DCAF8L2: variants seen among roughly 807,000 people sequenced by gnomAD.
DCAF8L2 encodes the protein DDB1 and CUL4 associated factor 8 like 2.
For synonymous variants in DCAF8L2, 200 were observed against 190.9 expected (o/e 1.05, Z -0.39); for missense variants, 430 against 490.7 (o/e 0.88, Z 1.17).
chrX:27,537,321 GA>G, the DCAF8L2 span, among the ~76,000 whole-genome samples: 1 of 111,782 alleles, frequency 8.9e-6, no homozygotes, highest in African/African-American at 3.3e-5. Context: ...CACAGAAATA[GA>G]AAAAAATCAA....
the DCAF8L2 span, among the ~76,000 whole-genome samples, chrX:27,472,638 C>T: frequency 1.0e-2 from 1,108 of 111,175 alleles, 19 homozygotes; most frequent in African/African-American, 0.034. Flanking sequence ...TGAGAACATG[C>T]GGTGTTTCGT....
upstream of DCAF8L2, among the ~76,000 whole-genome samples, chrX:27,586,475 A>G (rs778910255): frequency 9.0e-6 from 1 of 111,645 alleles, no homozygotes; most frequent in Non-Finnish European, 1.9e-5. Flanking sequence ...TTGCACCAAC[A>G]TAATGGTATG....
At chrX:27,589,867 C>A (rs752764625), upstream of DCAF8L2, among the ~76,000 whole-genome samples, 25 of 111,865 alleles carry the variant, frequency 2.2e-4, no homozygotes, top group Middle Eastern at 0.023. Context: ...ACAAACTAAG[C>A]AAAGTTGCTC....
intron 1 of DCAF8L2, among the ~76,000 whole-genome samples, chrX:27,618,662 A>G (rs1192542585): frequency 9.0e-6 from 1 of 110,896 alleles, no homozygotes; most frequent in Admixed American, 9.7e-5. Context: ...AGCAAAAAAC[A>G]TTTAGAAGAG....
chrX:27,531,264 C>T, the DCAF8L2 span, among the ~76,000 whole-genome samples: 3 of 111,260 alleles, frequency 2.7e-5, no homozygotes, highest in Non-Finnish European at 3.8e-5. Flanking sequence ...AGCAGGCAAG[C>T]GGGCATGTGC....
At chrX:27,523,652 T>C in the DCAF8L2 span, among the ~76,000 whole-genome samples, 1 of 109,597 alleles carries the variant, frequency 9.1e-6, no homozygotes, top group South Asian at 4.0e-4. Flanking sequence ...AGTTCTAGGG[T>C]ACATGTGCAC....
At chrX:27,649,571 C>G (rs1443443219) in intron 2 of DCAF8L2, among the ~76,000 whole-genome samples, 2 of 111,900 alleles carry the variant, frequency 1.8e-5, no homozygotes, top group African/African-American at 6.5e-5. Context: ...TGGTGTTGAG[C>G]ATTTTTTCAT....
At chrX:27,532,700 C>G in the DCAF8L2 span, among the ~76,000 whole-genome samples, 4 of 108,631 alleles carry the variant, frequency 3.7e-5, no homozygotes, top group Non-Finnish European at 7.6e-5. Flanking sequence ...GAGTTCCAGA[C>G]CAGCCTAGGC....
chrX:27,596,088 A>G (rs1926346433), intron 1 of DCAF8L2, among the ~76,000 whole-genome samples: 2 of 112,413 alleles, frequency 1.8e-5, no homozygotes, highest in African/African-American at 6.5e-5. Context: ...AAATCATTTG[A>G]ATGAAGACAT....
intron 4 of DCAF8L2, among the ~76,000 whole-genome samples, chrX:27,735,411 G>T (rs1921466085): frequency 8.9e-6 from 1 of 112,146 alleles, no homozygotes; most frequent in East Asian, 2.8e-4. Context: ...GAAACATAAA[G>T]CCAGTTTGTT....
chrX:27,656,304 A>C (rs939440050), intron 2 of DCAF8L2, among the ~76,000 whole-genome samples: 1 of 112,152 alleles, frequency 8.9e-6, no homozygotes. Flanking sequence ...AAAACAAACG[A>C]GAGTAGATAA....
the DCAF8L2 span, among the ~76,000 whole-genome samples, chrX:27,497,504 C>G: frequency 3.2e-5 from 1 of 31,263 alleles, no homozygotes; most frequent in East Asian, 3.3e-3. Flanking sequence ...ATTATTCTTT[C>G]TTTCTTTCCT....
At chrX:27,584,501 A>G in the DCAF8L2 span, among the ~76,000 whole-genome samples, 2 of 23,279 alleles carry the variant, frequency 8.6e-5, no homozygotes, top group Non-Finnish European at 1.3e-4. Context: ...CAATAATCCC[A>G]TATTTAAAAA....
chrX:27,651,982 C>A (rs1929171374), intron 2 of DCAF8L2, among the ~76,000 whole-genome samples: 1 of 109,860 alleles, frequency 9.1e-6, no homozygotes, highest in Admixed American at 9.8e-5. Context: ...TAAGTGAAGT[C>A]AACTTTTACT....
At position 27,602,119 on chromosome X, in the gene DCAF8L2, CAA is replaced by C. The variant is rs1003381061; in HGVS notation, c.-342+11680_-342+11681del. Among the ~76,000 whole-genome samples, 32 of 110,806 alleles carry C rather than the reference CAA, an allele frequency of 2.9e-4. No individual in the cohort carries two copies. The East Asian group carries it at 5.7e-3, about 20-fold the overall frequency. ...TTGCCCAGGCTTGAGTGCAGTAGCGCAAGTCTCCCGGGTTCAAGCAATTCTCC... is the reference window on the plus strand; with the variant it reads ...TTGCCCAGGCTTGAGTGCAGTAGCGCGTCTCCCGGGTTCAAGCAATTCTCC... On this transcript the variant is annotated intron_variant, in intron 1 of 4. Coordinates refer to ENST00000451261, the MANE Select transcript of DCAF8L2 (RefSeq NM_001353450.2).
chrX:27,582,148 A>G, the DCAF8L2 span, among the ~76,000 whole-genome samples: 1 of 111,841 alleles, frequency 8.9e-6, no homozygotes, highest in Non-Finnish European at 1.9e-5. Flanking sequence ...AGAATCAATT[A>G]TATTTTTGAA....
At chrX:27,575,383 G>A in the DCAF8L2 span, among the ~76,000 whole-genome samples, 383 of 111,386 alleles carry the variant, frequency 3.4e-3, 1 homozygote, top group African/African-American at 0.011. Flanking sequence ...AGTTGTCTTG[G>A]AAAATGCAAC....
At chrX:27,718,534 A>G (rs770767561) in intron 4 of DCAF8L2, among the ~76,000 whole-genome samples, 1 of 111,299 alleles carries the variant, frequency 9.0e-6, no homozygotes, top group Admixed American at 9.6e-5. Context: ...TGTGCCTGTG[A>G]GAGTGTTTCT....
At chrX:27,506,165 CAAA>C in the DCAF8L2 span, among the ~76,000 whole-genome samples, 1 of 111,425 alleles carries the variant, frequency 9.0e-6, no homozygotes, top group African/African-American at 3.3e-5. Flanking sequence ...TCATTGAAGA[CAAA>C]GAAAAATGTT....
Sources: allele counts gnomAD v4.1 joint callset (sites outside exome capture counted in the v4.1 genomes callset), GRCh38; gene constraint gnomAD v4.1.1; transcripts MANE v1.5; gene names NCBI Gene and HGNC (gene_info 2026-07-23, HGNC 2026-07-21).